CDH17: variants seen among roughly 807,000 people sequenced by gnomAD.
CDH17 encodes the protein cadherin 17.
In CDH17, 67 loss-of-function variants were observed where a neutral mutation model predicts 86.3. That is an observed-to-expected ratio of 0.78 (90% confidence interval 0.64 to 0.95). The LOEUF is 0.95. Ranked by LOEUF, CDH17 falls within the 40% of genes least tolerant of loss-of-function variation. The pLI, the probability that CDH17 is intolerant of heterozygous loss-of-function variation, is 0.00. For synonymous variants in CDH17, 367 were observed against 366.4 expected, an observed-to-expected ratio of 1.00 and a Z score of -0.02; for missense variants, 993 against 1,017.6, an observed-to-expected ratio of 0.98 and a Z score of 0.33.
chr8:94,177,351 G>A (rs78574443), intron 4 of CDH17, among the ~76,000 whole-genome samples: 2,431 of 152,284 alleles, frequency 0.016, 28 homozygotes, highest in Middle Eastern at 0.082. Flanking sequence ...CCATCAGAGG[G>A]TCCTGGCAAT....
chr8:94,188,725 A>G (rs888190615), intron 3 of CDH17, among the ~76,000 whole-genome samples: 1 of 152,188 alleles, frequency 6.6e-6, no homozygotes, highest in African/African-American at 2.4e-5. Context: ...CACCTTGACA[A>G]TGGCCCACAT....
At chr8:94,168,100 ATATATATATATATAT>A (rs1813192329) in intron 9 of CDH17, among the ~76,000 whole-genome samples, 6 of 636 alleles carry the variant, frequency 9.4e-3, no homozygotes, top group African/African-American at 0.026. Flanking sequence ...ACTGGGGAAT[ATATATATATATATAT>A]ATATATATAT....
chr8:94,134,959 A>G (rs1337686374), intron 15 of CDH17, among the ~76,000 whole-genome samples: 1 of 152,200 alleles, frequency 6.6e-6, no homozygotes, highest in East Asian at 1.9e-4. Context: ...GTTTCCATGT[A>G]GTTGTGTGGT....
intron 5 of CDH17, among the ~76,000 whole-genome samples, chr8:94,176,135 G>A (rs1813366396): frequency 6.6e-6 from 1 of 152,092 alleles, no homozygotes; most frequent in Non-Finnish European, 1.5e-5. Context: ...CAAACTCCTG[G>A]CTGAAGTGAT....
At chr8:94,199,581 G>A (rs1447778919) in intron 1 of CDH17, among the ~76,000 whole-genome samples, 1 of 152,138 alleles carries the variant, frequency 6.6e-6, no homozygotes, top group Admixed American at 6.6e-5. Flanking sequence ...CACTGTCTGG[G>A]ATGTTTCAAT....
At chr8:94,185,276 TACACACACACACACACACACAC>T (rs71277462) in intron 3 of CDH17, among the ~76,000 whole-genome samples, 1 of 136,758 alleles carries the variant, frequency 7.3e-6, no homozygotes, top group African/African-American at 2.6e-5. Flanking sequence ...CCTACCCCAA[TACACACACACACACACACACAC>T]ACACACACAC....
intron 3 of CDH17, among the ~76,000 whole-genome samples, chr8:94,186,787 A>G (rs181916162): frequency 1.9e-3 from 293 of 152,316 alleles, no homozygotes; most frequent in African/African-American, 6.4e-3. Context: ...CTTCTACAGC[A>G]CAAATCTAGT....
intron 4 of CDH17, among the ~76,000 whole-genome samples, chr8:94,177,089 C>T (rs190747877): frequency 7.2e-5 from 11 of 152,316 alleles, no homozygotes; most frequent in Non-Finnish European, 1.3e-4. Flanking sequence ...CTCTGACTTT[C>T]CTAGGTATTC....
chr8:94,178,918 G>A (rs1340594778), intron 3 of CDH17, among the ~76,000 whole-genome samples: 1 of 151,930 alleles, frequency 6.6e-6, no homozygotes, highest in African/African-American at 2.4e-5. Context: ...TGAGAAAGGT[G>A]GAGTAAGGGC....
intron 9 of CDH17, among the ~76,000 whole-genome samples, chr8:94,169,024 T>C (rs1350559062): frequency 6.6e-6 from 1 of 152,196 alleles, no homozygotes; most frequent in African/African-American, 2.4e-5. Flanking sequence ...ACATGATACA[T>C]GCTTGTTGTT....
intron 13 of CDH17, 124 bp from the exon 14 acceptor site, chr8:94,148,998 G>T: frequency 1.5e-6 from 1 of 655,846 alleles, no homozygotes; most frequent in South Asian, 2.9e-5. Flanking sequence ...ATATACAAAT[G>T]ATAATGCTGA....
At chr8:94,150,249 T>C (rs1356642862) in intron 13 of CDH17, among the ~76,000 whole-genome samples, 1 of 152,172 alleles carries the variant, frequency 6.6e-6, no homozygotes, top group East Asian at 1.9e-4. Context: ...TCTGATTGAC[T>C]TTTTTAAAAG....
intron 3 of CDH17, 37 bp from the exon 4 acceptor site, chr8:94,177,758 GA>G: frequency 3.1e-6 from 5 of 1,602,222 alleles, no homozygotes; most frequent in Non-Finnish European, 3.4e-6. Context: ...AGTTGTAAGG[GA>G]AAAAACAATG....
rs80171551 is a variant in CDH17, at chr8:94,165,690, G to C, written c.1282+71C>G. ...TCATTCTATAACATACCAGACATTA[G>C]CGCAGGAAAATAACTCATAGCTAGA... On this transcript the variant is annotated intron_variant, in intron 10 of 17. Coordinates refer to ENST00000027335, the MANE Select transcript of CDH17 (RefSeq NM_004063.4). 355 of 1,009,530 alleles carry C rather than the reference G, an allele frequency of 3.5e-4. 6 individuals are homozygous for C. In the East Asian group the frequency reaches 7.8e-3, roughly 22 times the overall value. 62.5% of individuals were successfully genotyped at this position (1,009,530 alleles called of 1,614,324 possible). A position where few individuals can be genotyped will look rare whatever the true frequency, so the allele number is the denominator to read the frequency against.
At chr8:94,148,194 CCA>C (rs1812782468) in intron 14 of CDH17, among the ~76,000 whole-genome samples, 1 of 152,152 alleles carries the variant, frequency 6.6e-6, no homozygotes, top group Admixed American at 6.5e-5. Context: ...CTACAGGAAA[CCA>C]CAGAGTGAGC....
chr8:94,199,080 TATA>T (rs1472537326), intron 1 of CDH17, among the ~76,000 whole-genome samples: 205 of 9,714 alleles, frequency 0.021, no homozygotes, highest in Middle Eastern at 0.083. Flanking sequence ...TATATATATA[TATA>T]TTTTTTTTTT....
At chr8:94,169,684 G>A (rs1048908297) in intron 9 of CDH17, among the ~76,000 whole-genome samples, 1 of 152,148 alleles carries the variant, frequency 6.6e-6, no homozygotes, top group Non-Finnish European at 1.5e-5. Context: ...CTCAGTCAAG[G>A]GGCTCACTGC....
At chr8:94,156,490 C>T (rs775535576) in intron 12 of CDH17, among the ~76,000 whole-genome samples, 5 of 152,182 alleles carry the variant, frequency 3.3e-5, no homozygotes, top group Admixed American at 1.3e-4. Flanking sequence ...TCATGACACA[C>T]GTTTGGCCCC....
intron 2 of CDH17, among the ~76,000 whole-genome samples, chr8:94,192,333 G>A (rs569907135): frequency 5.9e-5 from 9 of 152,292 alleles, no homozygotes; most frequent in Admixed American, 5.9e-4. Context: ...GGAGTTGGAG[G>A]GAATAGCGTT....
Sources: allele counts gnomAD v4.1 joint callset (sites outside exome capture counted in the v4.1 genomes callset), GRCh38; gene constraint gnomAD v4.1.1; transcripts MANE v1.5; gene names NCBI Gene and HGNC (gene_info 2026-07-23, HGNC 2026-07-21).